ADCK1: variants seen among roughly 807,000 people sequenced by gnomAD.
ADCK1 encodes aarF domain containing kinase 1.
Under a neutral mutation model 52.3 loss-of-function variants are expected in ADCK1, and 41 were observed. The ratio of observed to expected loss-of-function variants is 0.78; its 90% CI spans 0.61 to 1.02. The LOEUF (loss-of-function observed/expected upper bound fraction) is 1.02. Ranked by LOEUF, ADCK1 falls within the 50% of genes least tolerant of loss-of-function variation. The pLI, the probability that ADCK1 is intolerant of heterozygous loss-of-function variation, is 0.00. For synonymous variants in ADCK1, 250 were observed against 274.6 expected (o/e 0.91, Z 0.89); for missense variants, 658 against 679.5 (o/e 0.97, Z 0.35).
chr14:77,932,033 TATTTATTTATTTA>T (rs2084353326), intron 10 of ADCK1, among the ~76,000 whole-genome samples: 1 of 152,024 alleles, frequency 6.6e-6, no homozygotes, highest in African/African-American at 2.4e-5. Flanking sequence ...TCTTTTTATT[TATTTATTTATTTA>T]ATTTATTTAT....
At chr14:77,914,031 C>T (rs1200372857) in intron 7 of ADCK1, among the ~76,000 whole-genome samples, 1 of 152,128 alleles carries the variant, frequency 6.6e-6, no homozygotes, top group African/African-American at 2.4e-5. Flanking sequence ...TTAGCTGGTA[C>T]TTTTAAAGTC....
At chr14:77,914,452 T>C (rs1244045668) in intron 7 of ADCK1, 1 of 985,318 alleles carries the variant, frequency 1.0e-6, no homozygotes, top group African/African-American at 1.7e-5. Context: ...AGCGAAAAGG[T>C]CTCACATTTG....
At chr14:77,881,669 T>A (rs557303524) in intron 4 of ADCK1, among the ~76,000 whole-genome samples, 4 of 152,192 alleles carry the variant, frequency 2.6e-5, no homozygotes, top group Non-Finnish European at 5.9e-5. Context: ...AATAATTAAT[T>A]AATTGTAAAG....
chr14:77,843,701 T>C (rs984402178), intron 3 of ADCK1, among the ~76,000 whole-genome samples: 1 of 152,200 alleles, frequency 6.6e-6, no homozygotes, highest in Non-Finnish European at 1.5e-5. Context: ...AGCTCATTTG[T>C]TGGGATTTCA....
rs540201983 is a variant in ADCK1 at position 77,887,203 on chromosome 14, A to T, written c.536A>T (p.His179Leu). The stretch of plus-strand genomic sequence containing the variant: ...CGGACGGTGGCCGTGAAGGTCCAGC[A>T]CCCAAAGGTGCGGGCTCAGAGCTCG... ...DGRTVAVKVQHPKVRAQSSKD... is the reference protein window; with the variant it reads ...DGRTVAVKVQLPKVRAQSSKD... Residue 179 changes from histidine (H) to leucine (L), a missense_variant, in exon 5 of 11, where the codon CAC becomes CTC. His to Leu is a moderately conservative substitution (Grantham distance 99). Coordinates refer to ENST00000238561, the MANE Select transcript of ADCK1 (RefSeq NM_020421.4). 1.9e-6 allele frequency: 3 copies of T among 1,609,828 alleles called. No homozygotes were observed. Among genetic ancestry groups the T allele is most frequent in the Admixed American group, 3.4e-5 (2 of 59,586 alleles).
At chr14:77,921,340 A>AAAAAAAAAAAAG (rs1457671528) in intron 7 of ADCK1, among the ~76,000 whole-genome samples, 7 of 149,308 alleles carry the variant, frequency 4.7e-5, no homozygotes, top group Non-Finnish European at 1.5e-5. Flanking sequence ...AAAAAAAAAA[A>AAAAAAAAAAAAG]AAAAAAAAGA....
intron 6 of ADCK1, among the ~76,000 whole-genome samples, chr14:77,901,940 C>T (rs771913477): frequency 5.3e-5 from 8 of 152,278 alleles, no homozygotes; most frequent in African/African-American, 1.2e-4. Context: ...CTGGAGAATG[C>T]ACGAGAGGGG....
At chr14:77,872,368 C>T (rs558614389) in intron 4 of ADCK1, among the ~76,000 whole-genome samples, 54 of 152,298 alleles carry the variant, frequency 3.5e-4, no homozygotes, top group African/African-American at 1.3e-3. Flanking sequence ...CCCGAGAGAT[C>T]TGTCTGCGAG....
intron 4 of ADCK1, 98 bp downstream of exon 4, chr14:77,859,377 C>G: frequency 7.9e-7 from 1 of 1,268,010 alleles, no homozygotes; most frequent in South Asian, 1.5e-5. Context: ...TGGGGATCCA[C>G]CAGTGACACA....
chr14:77,826,740 C>T (rs957452546), intron 3 of ADCK1, among the ~76,000 whole-genome samples: 2 of 152,158 alleles, frequency 1.3e-5, no homozygotes, highest in African/African-American at 4.8e-5. Flanking sequence ...AAGCCATTCT[C>T]ATTTTGGGGA....
intron 3 of ADCK1, among the ~76,000 whole-genome samples, chr14:77,852,612 A>G (rs2082306740): frequency 7.8e-6 from 1 of 128,964 alleles, no homozygotes; most frequent in Non-Finnish European, 1.6e-5. Flanking sequence ...TACATTTAAA[A>G]AAAATCAAAT....
intron 7 of ADCK1, among the ~76,000 whole-genome samples, chr14:77,919,505 C>G (rs1483049566): frequency 2.6e-5 from 4 of 152,170 alleles, no homozygotes; most frequent in Admixed American, 2.6e-4. Flanking sequence ...GGCATTTAGG[C>G]TGGTTCCATA....
chr14:77,815,193 T>G (rs1295999350), intron 1 of ADCK1, among the ~76,000 whole-genome samples: 1 of 116,910 alleles, frequency 8.6e-6, no homozygotes, highest in Non-Finnish European at 1.7e-5. Context: ...TAAAATTTTG[T>G]TTTGTCTTTT....
At chr14:77,856,634 A>G (rs141606557) in intron 3 of ADCK1, among the ~76,000 whole-genome samples, 2 of 152,280 alleles carry the variant, frequency 1.3e-5, no homozygotes, top group African/African-American at 4.8e-5. Context: ...ATCAATAACT[A>G]ATCAACACTG....
intron 7 of ADCK1, chr14:77,908,274 T>G: frequency 6.0e-6 from 1 of 167,650 alleles, no homozygotes. Context: ...CTCTTCCCTC[T>G]TCCTGCCCTT....
intron 4 of ADCK1, among the ~76,000 whole-genome samples, chr14:77,870,628 TG>T (rs1040578245): frequency 5.3e-5 from 8 of 152,222 alleles, no homozygotes; most frequent in African/African-American, 1.7e-4. Context: ...CTGGGGCAGG[TG>T]CCATTTTTTT....
chr14:77,813,534 C>T (rs935748355), intron 1 of ADCK1, among the ~76,000 whole-genome samples: 3 of 152,206 alleles, frequency 2.0e-5, no homozygotes, highest in Admixed American at 6.5e-5. Flanking sequence ...TGGTCTCAAA[C>T]TCCTGACCTT....
At chr14:77,829,674 T>A (rs932468844) in intron 3 of ADCK1, among the ~76,000 whole-genome samples, 12 of 151,490 alleles carry the variant, frequency 7.9e-5, no homozygotes, top group African/African-American at 2.7e-4. Flanking sequence ...CTCCCTTTTT[T>A]AAATATCACC....
At chr14:77,919,747 T>C (rs2084006489) in intron 7 of ADCK1, among the ~76,000 whole-genome samples, 1 of 152,284 alleles carries the variant, frequency 6.6e-6, no homozygotes, top group East Asian at 1.9e-4. Flanking sequence ...CCAATATCTA[T>C]TATTTTTGAT....
Sources: gnomAD v4.1 joint callset for allele counts (sites outside exome capture counted in the v4.1 genomes callset) on GRCh38, gnomAD v4.1.1 for gene constraint, MANE v1.5 for transcripts, NCBI Gene and HGNC (gene_info 2026-07-23, HGNC 2026-07-21) for gene names.